NT5C2: variants seen among roughly 807,000 people sequenced by gnomAD.
NT5C2 encodes the protein 5'-nucleotidase, cytosolic II.
A neutral mutation model predicts 76.1 loss-of-function variants in NT5C2; 58 were observed. The ratio of observed to expected loss-of-function variants is 0.76; its 90% confidence interval spans 0.62 to 0.95. The LOEUF (loss-of-function observed/expected upper bound fraction) is 0.95, where lower values mean the gene tolerates loss of function less well. NT5C2 is among the 40% of genes least tolerant of loss of function. NT5C2 has a pLI of 0.00. For missense variants in NT5C2, 478 were observed against 690.3 expected, an observed-to-expected ratio of 0.69 and a Z score of 3.45; for synonymous variants, 229 against 237.4, an observed-to-expected ratio of 0.96 and a Z score of 0.32.
At chr10:103,115,578 ATTCT>A (rs891839424) in intron 4 of NT5C2, among the ~76,000 whole-genome samples, 7 of 152,210 alleles carry the variant, frequency 4.6e-5, no homozygotes, top group South Asian at 2.1e-4. Context: ...CTAGTAATTG[ATTCT>A]TTCTATCACT....
At chr10:103,111,841 A>C in intron 4 of NT5C2, 1 of 1,193,488 alleles carries the variant, frequency 8.4e-7, no homozygotes, top group Non-Finnish European at 1.0e-6. Context: ...ACAAAACAAA[A>C]ACAAAAACAA....
At chr10:103,176,639 T>C (rs925048188) in intron 2 of NT5C2, among the ~76,000 whole-genome samples, 9 of 152,130 alleles carry the variant, frequency 5.9e-5, no homozygotes, top group South Asian at 2.1e-4. Flanking sequence ...TCAAGCCATC[T>C]TCCCAACTCA....
At chr10:103,166,422 T>C (rs1426745466) in intron 3 of NT5C2, among the ~76,000 whole-genome samples, 1 of 152,246 alleles carries the variant, frequency 6.6e-6, no homozygotes, top group Non-Finnish European at 1.5e-5. Flanking sequence ...TAACTCAGCA[T>C]AATTCTCTTG....
chr10:103,171,988 T>C (rs1034292479), intron 3 of NT5C2, among the ~76,000 whole-genome samples: 1 of 152,022 alleles, frequency 6.6e-6, no homozygotes, highest in African/African-American at 2.4e-5. Context: ...GGCAAGTAGA[T>C]CACCTGATAT....
chr10:103,092,245 T>C (rs56036640), intron 15 of NT5C2, among the ~76,000 whole-genome samples: 23,254 of 152,244 alleles, frequency 0.15, 2,272 homozygotes, highest in South Asian at 0.23. Flanking sequence ...TTTAGGAGAA[T>C]TGAGAAAAGT....
At position 103,119,085 on chromosome 10, in the gene NT5C2, G is replaced by A. The variant is rs143254647; in HGVS notation, c.176-12379C>T. 6.6e-5 allele frequency among the ~76,000 whole-genome samples: 10 copies of A among 152,216 alleles called. 1 individual carries two copies. The East Asian group carries it at 1.9e-3, about 29-fold the overall frequency. On this transcript the variant is annotated intron_variant, in intron 4 of 18. Coordinates refer to ENST00000404739, the MANE Select transcript of NT5C2 (RefSeq NM_001351169.2). ...TGATAAATCTCTCAAGAATAAGTCAGAGGGCCGGGCACAGTGGCTCACACC... is the reference window on the plus strand; with the variant it reads ...TGATAAATCTCTCAAGAATAAGTCAAAGGGCCGGGCACAGTGGCTCACACC...
chr10:103,136,163 A>G (rs899806873), intron 4 of NT5C2, among the ~76,000 whole-genome samples: 1 of 152,174 alleles, frequency 6.6e-6, no homozygotes, highest in Non-Finnish European at 1.5e-5. Flanking sequence ...ACAGACTAAT[A>G]CACCATATGT....
intron 14 of NT5C2, chr10:103,093,725 A>G: frequency 2.1e-6 from 1 of 482,338 alleles, no homozygotes; most frequent in South Asian, 3.6e-5. Context: ...AAGCACTGAG[A>G]AAAAGCCTCC....
At chr10:103,176,704 A>G (rs1050405462) in intron 2 of NT5C2, among the ~76,000 whole-genome samples, 4 of 152,094 alleles carry the variant, frequency 2.6e-5, no homozygotes, top group Non-Finnish European at 5.9e-5. Flanking sequence ...GGTCTCTACA[A>G]AAAGTGTTGG....
chr10:103,126,233 G>A (rs1485847131), intron 4 of NT5C2, among the ~76,000 whole-genome samples: 1 of 152,168 alleles, frequency 6.6e-6, no homozygotes, highest in Non-Finnish European at 1.5e-5. Context: ...AAAATGCAAA[G>A]GGCCAAATCC....
chr10:103,169,735 C>A (rs774442254), intron 3 of NT5C2, among the ~76,000 whole-genome samples: 1 of 151,998 alleles, frequency 6.6e-6, no homozygotes, highest in African/African-American at 2.4e-5. Flanking sequence ...AATTCCAGCA[C>A]TTTTGGAGGC....
At chr10:103,147,405 C>T (rs2133504757) in intron 3 of NT5C2, among the ~76,000 whole-genome samples, 2 of 152,324 alleles carry the variant, frequency 1.3e-5, no homozygotes, top group Middle Eastern at 6.8e-3. Context: ...AAAAGGGCCA[C>T]CTCAGTTATC....
chr10:103,097,418 A>T (rs766534644), intron 10 of NT5C2, 44 bp from the exon 11 acceptor site: 184 of 1,496,588 alleles, frequency 1.2e-4, no homozygotes, highest in Middle Eastern at 1.7e-4. Context: ...AAACATTTTT[A>T]TCTTTACACT....
chr10:103,092,545 C>G (rs572027030), intron 15 of NT5C2, among the ~76,000 whole-genome samples: 1 of 152,210 alleles, frequency 6.6e-6, no homozygotes, highest in East Asian at 1.9e-4. Context: ...GAGTCACCTT[C>G]ACCACACTGC....
At chr10:103,091,017 C>CA in intron 16 of NT5C2, 21 bp from the exon 17 acceptor site, 2 of 1,607,298 alleles carry the variant, frequency 1.2e-6, no homozygotes, top group Non-Finnish European at 1.7e-6. Context: ...AAGAAAAACT[C>CA]AGTGAAAATC....
intron 3 of NT5C2, chr10:103,169,232 A>C (rs1337930923): frequency 6.6e-6 from 1 of 152,208 alleles, no homozygotes; most frequent in Non-Finnish European, 1.5e-5. Flanking sequence ...CCATAAATAC[A>C]TACAATTTTT....
At chr10:103,096,732 G>A (rs2068280460) in intron 11 of NT5C2, among the ~76,000 whole-genome samples, 1 of 150,586 alleles carries the variant, frequency 6.6e-6, no homozygotes, top group Admixed American at 6.7e-5. Context: ...TGTAATCCCA[G>A]CTACTTGGGA....
chr10:103,192,989 C>T (rs2092759967), intron 1 of NT5C2, among the ~76,000 whole-genome samples: 1 of 151,730 alleles, frequency 6.6e-6, no homozygotes, highest in Non-Finnish European at 1.5e-5. Flanking sequence ...CGCGGCGGCG[C>T]GGAGGAAGGG....
chr10:103,150,431 G>A (rs1391402719), intron 3 of NT5C2, among the ~76,000 whole-genome samples: 2 of 152,128 alleles, frequency 1.3e-5, no homozygotes, highest in African/African-American at 4.8e-5. Context: ...TTCAGTTAAT[G>A]GACACTTGGT....
Sources: allele counts gnomAD v4.1 joint callset (sites outside exome capture counted in the v4.1 genomes callset), GRCh38; gene constraint gnomAD v4.1.1; transcripts MANE v1.5; gene names NCBI Gene and HGNC (gene_info 2026-07-23, HGNC 2026-07-21).